Variants in SDK1 observed in about 807,000 individuals in gnomAD.
The protein encoded by SDK1 is protein sidekick-1.
In SDK1, 157 loss-of-function variants were observed where a neutral mutation model predicts 245.5. That is an observed-to-expected ratio of 0.64 (90% CI 0.56 to 0.73). SDK1 has a LOEUF of 0.73. Among genes scored for constraint, SDK1 ranks in the 30% least tolerant of loss-of-function variants. SDK1 has a pLI of 0.00. For synonymous variants in SDK1, 1,647 were observed against 1,278.5 expected (o/e 1.29, Z -6.15); for missense variants, 3,583 against 3,002.3 (o/e 1.19, Z -4.52).
At chr7:3,356,366 G>A (rs1181605075) in intron 1 of SDK1, among the ~76,000 whole-genome samples, 6 of 152,100 alleles carry the variant, frequency 3.9e-5, no homozygotes, top group Admixed American at 2.6e-4. Flanking sequence ...GAAGTAGGAC[G>A]CTGCCAGCTC....
intron 4 of SDK1, among the ~76,000 whole-genome samples, chr7:3,672,796 A>ATATATATATATAAAT (rs1554307151): frequency 1.9e-5 from 1 of 53,416 alleles, no homozygotes; most frequent in Non-Finnish European, 3.4e-5. Flanking sequence ...TATATATATA[A>ATATATATATATAAAT]AAAATACAGA....
chr7:3,352,194 CTG>C (rs1780677982), intron 1 of SDK1, among the ~76,000 whole-genome samples: 1 of 149,968 alleles, frequency 6.7e-6, no homozygotes, highest in African/African-American at 2.4e-5. Context: ...ATGGAAAAAT[CTG>C]TCACTTAAAT....
chr7:4,149,175 C>T, intron 29 of SDK1, 87 bp from the exon 30 acceptor site: 2 of 1,124,538 alleles, frequency 1.8e-6, no homozygotes, highest in Non-Finnish European at 2.4e-6. Flanking sequence ...AAGCAGTCAG[C>T]CCTGTACAGC....
chr7:3,836,067 A>C (rs1780022771), intron 5 of SDK1, among the ~76,000 whole-genome samples: 1 of 152,240 alleles, frequency 6.6e-6, no homozygotes, highest in Non-Finnish European at 1.5e-5. Context: ...CTGTGTTATA[A>C]ATAGAACAAA....
At chr7:3,818,067 G>C (rs1024982436) in intron 4 of SDK1, among the ~76,000 whole-genome samples, 3 of 152,136 alleles carry the variant, frequency 2.0e-5, no homozygotes, top group African/African-American at 4.8e-5. Context: ...CATCCATATT[G>C]TACTCAGTTA....
chr7:3,508,256 A>G (rs17133497), intron 1 of SDK1, among the ~76,000 whole-genome samples: 34,619 of 150,824 alleles, frequency 0.23, 4,316 homozygotes, highest in East Asian at 0.33. Flanking sequence ...GAAGCTCTCA[A>G]AAGTATGCCC....
chr7:4,098,627 G>A (rs1397204726), intron 22 of SDK1, among the ~76,000 whole-genome samples: 1 of 151,914 alleles, frequency 6.6e-6, no homozygotes, highest in Admixed American at 6.6e-5. Flanking sequence ...TTTTCAGGAG[G>A]AGGGATGTGA....
At chr7:3,993,973 A>G (rs1784528503) in intron 14 of SDK1, among the ~76,000 whole-genome samples, 1 of 152,080 alleles carries the variant, frequency 6.6e-6, no homozygotes, top group African/African-American at 2.4e-5. Context: ...TGTTCCCAGG[A>G]CTTGGCTTAA....
At chr7:3,681,593 A>G (rs1784102782) in intron 4 of SDK1, among the ~76,000 whole-genome samples, 1 of 152,326 alleles carries the variant, frequency 6.6e-6, no homozygotes, top group East Asian at 1.9e-4. Flanking sequence ...CTTTTGACAT[A>G]TCATACTTAC....
intron 1 of SDK1, among the ~76,000 whole-genome samples, chr7:3,506,602 G>C (rs1431595099): frequency 1.3e-5 from 2 of 152,094 alleles, no homozygotes; most frequent in Non-Finnish European, 2.9e-5. Context: ...ATTGTTTGCT[G>C]TTTTCCCTTT....
chr7:3,898,028 A>T (rs1781661859), intron 5 of SDK1, among the ~76,000 whole-genome samples: 2 of 152,076 alleles, frequency 1.3e-5, no homozygotes, highest in South Asian at 4.1e-4. Context: ...CGCCGTGTGC[A>T]CACACACCCC....
intron 1 of SDK1, among the ~76,000 whole-genome samples, chr7:3,429,973 A>G (rs887708173): frequency 6.6e-6 from 1 of 152,236 alleles, no homozygotes; most frequent in African/African-American, 2.4e-5. Flanking sequence ...CTATCTGTAT[A>G]TACATTTCTT....
At chr7:3,628,303 C>G (rs940782677) in intron 2 of SDK1, among the ~76,000 whole-genome samples, 6 of 151,996 alleles carry the variant, frequency 3.9e-5, no homozygotes, top group African/African-American at 1.5e-4. Flanking sequence ...TAGAATCTTG[C>G]TCTGTTGCTT....
At chr7:3,806,056 G>A (rs556352097) in intron 4 of SDK1, among the ~76,000 whole-genome samples, 1 of 152,260 alleles carries the variant, frequency 6.6e-6, no homozygotes, top group South Asian at 2.1e-4. Flanking sequence ...TGAGGTCAAA[G>A]ACAAGGAAAG....
chr7:3,789,628 C>G (rs1432283744), intron 4 of SDK1, among the ~76,000 whole-genome samples: 3 of 152,164 alleles, frequency 2.0e-5, no homozygotes, highest in Admixed American at 2.0e-4. Flanking sequence ...CATCCAACTT[C>G]TGATCAAACA....
At chr7:3,702,156 T>G (rs985775478) in intron 4 of SDK1, among the ~76,000 whole-genome samples, 10 of 152,178 alleles carry the variant, frequency 6.6e-5, no homozygotes, top group Non-Finnish European at 1.3e-4. Context: ...TCATTAAAAT[T>G]TAAAACATCT....
intron 1 of SDK1, among the ~76,000 whole-genome samples, chr7:3,377,196 G>T (rs6462047): frequency 6.6e-6 from 1 of 152,232 alleles, no homozygotes; most frequent in East Asian, 1.9e-4. Context: ...CCTTAGACAC[G>T]TTGATTGTGG....
chr7:3,528,134 G>A (rs745367584), intron 1 of SDK1, among the ~76,000 whole-genome samples: 6 of 142,676 alleles, frequency 4.2e-5, no homozygotes, highest in Non-Finnish European at 7.6e-5. Context: ...GCTACGGGGT[G>A]AATGGTAGGA....
intron 37 of SDK1, among the ~76,000 whole-genome samples, chr7:4,208,967 G>A (rs1262603600): frequency 6.6e-6 from 1 of 152,206 alleles, no homozygotes; most frequent in East Asian, 1.9e-4. Flanking sequence ...GTAGGATTCT[G>A]GAAGTCTGAG....
Sources: allele counts gnomAD v4.1 joint callset (sites outside exome capture counted in the v4.1 genomes callset), GRCh38; gene constraint gnomAD v4.1.1; transcripts MANE v1.5; gene names NCBI Gene and HGNC (gene_info 2026-07-23, HGNC 2026-07-21).